The following STK3 variants were observed in gnomAD, a reference collection of about 807,000 sequenced individuals.
The protein encoded by STK3 is serine/threonine kinase 3.
Under a neutral mutation model 58.0 loss-of-function variants are expected in STK3, and 41 were observed. The observed-to-expected ratio is 0.71, with a 90% CI of 0.55 to 0.92. The LOEUF (loss-of-function observed/expected upper bound fraction) is 0.92. STK3 is among the 40% of genes least tolerant of loss of function. The probability of loss-of-function intolerance (pLI) is 0.00; values close to 1 mark genes in which losing one functional copy is unlikely to be tolerated. For synonymous variants in STK3, 170 were observed against 191.0 expected (o/e 0.89, Z 0.91); for missense variants, 479 against 602.7 (o/e 0.79, Z 2.15).
rs777014398 is a variant in STK3, at chr8:98,808,644, T to C, written c.26+16871A>G. Among the ~76,000 whole-genome samples the C allele has an allele frequency of 3.0e-4, 45 of 152,210 alleles. 1 individual carries two copies. Among genetic ancestry groups the C allele is most frequent in the Middle Eastern group, 3.2e-3 (1 of 316 alleles). ...AGCTCTTGTGCAACAATTACTGTTA[T>C]CCATTTCCCAAACTTTTTCATCATC... On this transcript the variant is annotated intron_variant, in intron 1 of 10. Transcript: ENST00000419617.
intron 8 of STK3, among the ~76,000 whole-genome samples, chr8:98,572,325 G>A (rs1217390905): frequency 6.6e-6 from 1 of 152,006 alleles, no homozygotes; most frequent in African/African-American, 2.4e-5. Flanking sequence ...ACACAACCTA[G>A]ATTAAACTTT....
intron 3 of STK3, among the ~76,000 whole-genome samples, chr8:98,754,852 GA>G (rs372308175): frequency 6.6e-6 from 1 of 152,152 alleles, no homozygotes; most frequent in African/African-American, 2.4e-5. Flanking sequence ...TCAAAATTTT[GA>G]AAAGTGTTAA....
At chr8:98,893,516 G>A (rs1229388730) in intron 1 of STK3, among the ~76,000 whole-genome samples, 44 of 123,074 alleles carry the variant, frequency 3.6e-4, no homozygotes, top group Non-Finnish European at 5.6e-4. Context: ...AAGAAAGAAA[G>A]AAAGAAAGAA....
At chr8:98,796,403 T>C (rs1012698103) in intron 1 of STK3, among the ~76,000 whole-genome samples, 1 of 152,136 alleles carries the variant, frequency 6.6e-6, no homozygotes, top group Non-Finnish European at 1.5e-5. Flanking sequence ...GACTCCTTAA[T>C]TCAATAAATG....
intron 10 of STK3, among the ~76,000 whole-genome samples, chr8:98,494,965 C>A (rs1435004411): frequency 6.6e-6 from 1 of 152,176 alleles, no homozygotes; most frequent in Non-Finnish European, 1.5e-5. Flanking sequence ...ATGAATCCAA[C>A]CACTAAATTA....
chr8:98,830,047 T>C (rs1835468392), upstream of STK3, among the ~76,000 whole-genome samples: 1 of 151,852 alleles, frequency 6.6e-6, no homozygotes, highest in South Asian at 2.1e-4. Flanking sequence ...GCCAACATGG[T>C]GAAACCCCGT....
intron 1 of STK3, among the ~76,000 whole-genome samples, chr8:98,915,490 C>T (rs1839316025): frequency 7.9e-6 from 1 of 126,284 alleles, no homozygotes; most frequent in Non-Finnish European, 1.6e-5. Flanking sequence ...TCTAAAGAAC[C>T]CTAATACAAT....
At chr8:98,622,366 C>T (rs1409842190) in intron 6 of STK3, among the ~76,000 whole-genome samples, 1 of 151,976 alleles carries the variant, frequency 6.6e-6, no homozygotes, top group African/African-American at 2.4e-5. Context: ...AGTTATGACT[C>T]ATAAATAAAC....
chr8:98,789,793 G>A (rs1049183517), intron 1 of STK3, among the ~76,000 whole-genome samples: 4 of 152,108 alleles, frequency 2.6e-5, no homozygotes, highest in Non-Finnish European at 4.4e-5. Context: ...CTGGGAGGCC[G>A]AGGCAGGTGG....
At chr8:98,793,192 G>A (rs1004428822) in intron 1 of STK3, among the ~76,000 whole-genome samples, 3 of 152,096 alleles carry the variant, frequency 2.0e-5, no homozygotes, top group East Asian at 1.9e-4. Flanking sequence ...GGTGGGAAGC[G>A]GATAAGGGAT....
chr8:98,763,607 T>C (rs1377022574), intron 3 of STK3, among the ~76,000 whole-genome samples: 1 of 152,208 alleles, frequency 6.6e-6, no homozygotes, highest in African/African-American at 2.4e-5. Flanking sequence ...CACATTTACA[T>C]TAATACTAGT....
At chr8:98,700,175 C>T (rs1449311057) in intron 6 of STK3, among the ~76,000 whole-genome samples, 1 of 152,196 alleles carries the variant, frequency 6.6e-6, no homozygotes, top group East Asian at 1.9e-4. Flanking sequence ...GATCCAAGTG[C>T]GGGATATAAT....
intron 2 of STK3, among the ~76,000 whole-genome samples, chr8:98,771,026 C>A (rs1831286121): frequency 6.6e-6 from 1 of 152,252 alleles, no homozygotes; most frequent in South Asian, 2.1e-4. Context: ...GTGAAATACA[C>A]ACAACATAAA....
intron 2 of STK3, among the ~76,000 whole-genome samples, chr8:98,768,293 T>A (rs1187139680): frequency 2.0e-5 from 3 of 152,038 alleles, no homozygotes; most frequent in Non-Finnish European, 2.9e-5. Flanking sequence ...AAAAATCAGG[T>A]TTTTCTCACC....
intron 10 of STK3, among the ~76,000 whole-genome samples, chr8:98,478,403 T>C (rs1463446890): frequency 2.0e-5 from 3 of 152,084 alleles, no homozygotes; most frequent in Non-Finnish European, 4.4e-5. Context: ...TTAAGATCCA[T>C]CGAGTTCGCC....
chr8:98,485,236 C>A (rs951817767), intron 10 of STK3, among the ~76,000 whole-genome samples: 1 of 123,212 alleles, frequency 8.1e-6, no homozygotes, highest in Middle Eastern at 3.9e-3. Flanking sequence ...AGGGAAACTG[C>A]GTCTCAAAAA....
chr8:98,925,090 C>T (rs1839734690), intron 1 of STK3, among the ~76,000 whole-genome samples: 2 of 152,200 alleles, frequency 1.3e-5, no homozygotes, highest in Admixed American at 1.3e-4. Context: ...TCAAAAGTAA[C>T]CACAAGAAGG....
chr8:98,415,466 CCTT>C (rs1431844912), intron 3 of STK3, among the ~76,000 whole-genome samples: 1 of 152,152 alleles, frequency 6.6e-6, no homozygotes, highest in Non-Finnish European at 1.5e-5. Flanking sequence ...ACACAGAAAA[CCTT>C]CTTAAAATTC....
At chr8:98,572,539 CTATT>C (rs1448229599) in intron 8 of STK3, among the ~76,000 whole-genome samples, 1 of 152,114 alleles carries the variant, frequency 6.6e-6, no homozygotes, top group Non-Finnish European at 1.5e-5. Flanking sequence ...ATGATATAAA[CTATT>C]TAAGATTCTG....
Sources: gnomAD v4.1 joint callset for allele counts (sites outside exome capture counted in the v4.1 genomes callset) on GRCh38, gnomAD v4.1.1 for gene constraint, MANE v1.5 for transcripts, NCBI Gene and HGNC (gene_info 2026-07-23, HGNC 2026-07-21) for gene names.